Variants in FAM163A observed in about 807,000 individuals in gnomAD.
FAM163A encodes the protein family with sequence similarity 163 member A.
Under a neutral mutation model 12.0 loss-of-function variants are expected in FAM163A, and 7 were observed. The ratio of observed to expected loss-of-function variants is 0.58; its 90% confidence interval spans 0.33 to 1.10. The LOEUF is 1.10. Ranked by LOEUF, FAM163A falls within the 50% of genes least tolerant of loss-of-function variation. The pLI is 0.03. For synonymous variants in FAM163A, 101 were observed against 91.0 expected, an observed-to-expected ratio of 1.11 and a Z score of -0.62; for missense variants, 202 against 218.6, an observed-to-expected ratio of 0.92 and a Z score of 0.48.
chr1:179,814,453 T>C lies in FAM163A; in HGVS notation c.*264T>C. ...GCCAGTTTCTTGGTTGGGACACTCC[T>C]CTGGCAGCCCCAGCACCACCACAAC... is the stretch of plus-strand genomic sequence containing the variant. On this transcript the variant is annotated 3_prime_UTR_variant, in exon 5 of 5. Transcript: ENST00000341785. 1 of 475,282 alleles carries C rather than the reference T, an allele frequency of 2.1e-6. No homozygotes were observed. The highest frequency in any genetic ancestry group is 3.7e-6 in the Non-Finnish European group (1 of 269,736). The allele number at this position is 475,282 out of a possible 1,614,324, so 29.4% of individuals were successfully genotyped here.
At chr1:179,792,912 A>T (rs1287621345) in intron 1 of FAM163A, among the ~76,000 whole-genome samples, 1 of 151,778 alleles carries the variant, frequency 6.6e-6, no homozygotes, top group East Asian at 1.9e-4. Context: ...ATACAGTGTG[A>T]CAGGAGCTGG....
At chr1:179,750,255 C>T (rs563362506) in intron 1 of FAM163A, among the ~76,000 whole-genome samples, 15 of 152,162 alleles carry the variant, frequency 9.9e-5, no homozygotes, top group Non-Finnish European at 2.1e-4. Context: ...TAGGAGGAGA[C>T]AGTCAAAACC....
At chr1:179,805,574 A>G (rs1261370805) in intron 1 of FAM163A, among the ~76,000 whole-genome samples, 2 of 151,702 alleles carry the variant, frequency 1.3e-5, no homozygotes, top group African/African-American at 4.8e-5. Context: ...CATAATAATC[A>G]TGAGTAATGA....
At chr1:179,727,850 G>A in the FAM163A span, among the ~76,000 whole-genome samples, 1 of 152,222 alleles carries the variant, frequency 6.6e-6, no homozygotes. Context: ...AACACAGTGA[G>A]TGGTGTCAAA....
At chr1:179,790,239 T>G (rs1691250230) in intron 1 of FAM163A, among the ~76,000 whole-genome samples, 1 of 149,392 alleles carries the variant, frequency 6.7e-6, no homozygotes, top group African/African-American at 2.5e-5. Flanking sequence ...TTTTTTTTTT[T>G]TTTTGAGCTG....
At chr1:179,764,037 T>A (rs1224592175) in intron 1 of FAM163A, among the ~76,000 whole-genome samples, 1 of 152,186 alleles carries the variant, frequency 6.6e-6, no homozygotes, top group Non-Finnish European at 1.5e-5. Flanking sequence ...GCTCTTTGTA[T>A]TTTATTTGGG....
rs749528573 is a variant in FAM163A at position 179,765,677 on chromosome 1, A to ATTT, written c.-136+22274_-136+22276dup. ...CTGGTTAAGGAATTGAGCTTTGGGA[A>ATTT]TTTTTTTTTTTTTTTTTTTTTTGCT... is the stretch of plus-strand genomic sequence containing the variant. On this transcript the variant is annotated intron_variant, in intron 1 of 4. Transcript: ENST00000341785. Among the ~76,000 whole-genome samples, 268 of 127,194 alleles carry ATTT rather than the reference A, an allele frequency of 2.1e-3. 5 individuals carry two copies. Among genetic ancestry groups the ATTT allele is most frequent in the African/African-American group, 6.2e-3 (208 of 33,532 alleles). The allele number at this position is 127,194 out of a possible 152,430, so 83.4% of individuals were successfully genotyped here.
chr1:179,781,803 G>A (rs1203547470), intron 1 of FAM163A, among the ~76,000 whole-genome samples: 1 of 151,916 alleles, frequency 6.6e-6, no homozygotes, highest in East Asian at 1.9e-4. Flanking sequence ...GCATGGTGGC[G>A]GGTGACTGTA....
intron 1 of FAM163A, among the ~76,000 whole-genome samples, chr1:179,768,110 G>C (rs1198967825): frequency 1.3e-5 from 2 of 152,114 alleles, no homozygotes; most frequent in African/African-American, 4.8e-5. Context: ...TTGTTCTTTT[G>C]TGAATGGCTT....
chr1:179,806,740 C>A (rs980747259), intron 1 of FAM163A, among the ~76,000 whole-genome samples: 2 of 152,332 alleles, frequency 1.3e-5, no homozygotes, highest in East Asian at 3.9e-4. Context: ...CAGGGCATCC[C>A]TCCTCTCCCT....
intron 1 of FAM163A, among the ~76,000 whole-genome samples, chr1:179,764,978 A>G (rs912376994): frequency 6.6e-5 from 10 of 152,248 alleles, no homozygotes; most frequent in African/African-American, 2.4e-4. Flanking sequence ...TTACTTTGTC[A>G]GCATCTGCCT....
chr1:179,770,771 C>T (rs932209788), intron 1 of FAM163A, among the ~76,000 whole-genome samples: 5 of 151,640 alleles, frequency 3.3e-5, no homozygotes, highest in African/African-American at 1.2e-4. Context: ...CTCCCCAAGT[C>T]AGGTTGGTGT....
upstream of FAM163A, among the ~76,000 whole-genome samples, chr1:179,739,386 T>C (rs1454856782): frequency 1.3e-5 from 2 of 152,216 alleles, no homozygotes; most frequent in East Asian, 3.8e-4. Flanking sequence ...GGGAAAATAC[T>C]TGCAAGCCAC....
At chr1:179,764,860 G>C (rs1404672773) in intron 1 of FAM163A, among the ~76,000 whole-genome samples, 2 of 152,206 alleles carry the variant, frequency 1.3e-5, no homozygotes, top group African/African-American at 4.8e-5. Flanking sequence ...GTGACAATCT[G>C]TACCTCAGGA....
chr1:179,782,019 T>C (rs1689836836), intron 1 of FAM163A, among the ~76,000 whole-genome samples: 1 of 151,646 alleles, frequency 6.6e-6, no homozygotes, highest in Non-Finnish European at 1.5e-5. Context: ...AACTTGTTTA[T>C]GCTATCAGGG....
intron 1 of FAM163A, among the ~76,000 whole-genome samples, chr1:179,787,077 A>G (rs955138496): frequency 6.6e-6 from 1 of 152,266 alleles, no homozygotes; most frequent in African/African-American, 2.4e-5. Context: ...ATCCTTTAAC[A>G]TACAAAGCAG....
At chr1:179,809,175 T>TCTCATACCCTGTACATGTCCCTTC (rs1156694685) in intron 2 of FAM163A, among the ~76,000 whole-genome samples, 11 of 152,116 alleles carry the variant, frequency 7.2e-5, no homozygotes, top group Admixed American at 4.6e-4. Context: ...GATTAGTTCA[T>TCTCATACCCTGTACATGTCCCTTC]CTCATACCCT....
At chr1:179,754,745 C>T (rs1685762730) in intron 1 of FAM163A, among the ~76,000 whole-genome samples, 1 of 152,196 alleles carries the variant, frequency 6.6e-6, no homozygotes, top group Non-Finnish European at 1.5e-5. Flanking sequence ...GCCTGGTGTA[C>T]TGCCTGCTGG....
Position 179,813,189 on chromosome 1 carries a change from A to G in FAM163A, c.92A>G (p.Gln31Arg). 1 of 1,551,678 alleles carries G rather than the reference A, an allele frequency of 6.4e-7. No homozygotes were observed. The highest frequency in any genetic ancestry group is 8.7e-7 in the Non-Finnish European group (1 of 1,146,916). ...IIAVLCYCRL[Q>R]YYCCKKSGTE... is the part of the protein sequence containing the mutation. Reference sequence around the variant, plus strand: ...GCCGTCCTGTGCTACTGCAGGCTCCAGGTCAGTCCCCGGGACCCGTAGCCA... The same window carrying G: ...GCCGTCCTGTGCTACTGCAGGCTCCGGGTCAGTCCCCGGGACCCGTAGCCA... The change falls in exon 4 of 5, where the codon CAG becomes CGG. Residue 31 changes from glutamine (Q) to arginine (R), a missense_variant and splice_region_variant. Coordinates refer to ENST00000341785, the MANE Select transcript of FAM163A (RefSeq NM_173509.3).
Sources: allele counts gnomAD v4.1 joint callset (sites outside exome capture counted in the v4.1 genomes callset), GRCh38; gene constraint gnomAD v4.1.1; transcripts MANE v1.5; gene names NCBI Gene and HGNC (gene_info 2026-07-23, HGNC 2026-07-21).